The following GDAP1L1 variants were observed in gnomAD, a reference collection of about 807,000 sequenced individuals.
GDAP1L1 encodes the protein ganglioside-induced differentiation-associated protein 1-like 1.
GDAP1L1 carries 21 observed loss-of-function variants against 37.1 expected under a neutral mutation model. The ratio of observed to expected loss-of-function variants is 0.57; its 90% confidence interval spans 0.40 to 0.81. GDAP1L1 has a LOEUF of 0.81. GDAP1L1 is among the 40% of genes least tolerant of loss of function. The probability of loss-of-function intolerance (pLI) is 0.00; values close to 1 mark genes in which losing one functional copy is unlikely to be tolerated. For synonymous variants in GDAP1L1, 193 were observed against 209.1 expected, an observed-to-expected ratio of 0.92 and a Z score of 0.67; for missense variants, 362 against 491.6, an observed-to-expected ratio of 0.74 and a Z score of 2.49.
intron 5 of GDAP1L1, among the ~76,000 whole-genome samples, chr20:44,268,972 G>A (rs1203812756): frequency 1.3e-5 from 2 of 152,124 alleles, no homozygotes; most frequent in East Asian, 1.9e-4. Context: ...ATAAAAGAAG[G>A]GCCTTTTATT....
intron 3 of GDAP1L1, among the ~76,000 whole-genome samples, chr20:44,261,463 T>A (rs2073672967): frequency 6.6e-6 from 1 of 152,178 alleles, no homozygotes; most frequent in African/African-American, 2.4e-5. Context: ...CCTAAGTCAC[T>A]CACTCATTTC....
chr20:44,260,438 G>A (rs1354889720), intron 3 of GDAP1L1, among the ~76,000 whole-genome samples: 1 of 152,138 alleles, frequency 6.6e-6, no homozygotes, highest in Non-Finnish European at 1.5e-5. Context: ...CTAAGAGACT[G>A]CAGCTGCAGA....
intron 5 of GDAP1L1, among the ~76,000 whole-genome samples, chr20:44,272,726 A>T (rs1413043617): frequency 6.6e-6 from 1 of 152,220 alleles, no homozygotes; most frequent in African/African-American, 2.4e-5. Context: ...GGACATGCAT[A>T]GAAGGCCATC....
chr20:44,263,156 AAGTT>A, intron 3 of GDAP1L1, 70 bp from the exon 4 acceptor site: 1 of 1,125,204 alleles, frequency 8.9e-7, no homozygotes, highest in South Asian at 1.2e-5. Flanking sequence ...GGCCTACTTC[AAGTT>A]GTGTAAGGCA....
rs1409162753 is a variant in GDAP1L1, at chr20:44,258,516, G to A, written c.456G>A (p.Leu152=). Residue 152 remains leucine, a synonymous_variant, in exon 3 of 6, where the codon CTG becomes CTA. Transcript: ENST00000342560. ...VLQYRELLDA[L]PMDAYTHGCI... is the part of the protein sequence containing the mutation. ...AGTACCGGGAGCTGCTGGACGCACT[G>A]CCCATGGATGCCTACACGCATGGCT... The A allele has an allele frequency of 1.3e-6, 2 of 1,572,038 alleles. No homozygotes were observed. The highest frequency in any genetic ancestry group is 1.7e-6 in the Non-Finnish European group (2 of 1,159,414).
At chr20:44,249,193 A>G (rs2073392255) in intron 1 of GDAP1L1, among the ~76,000 whole-genome samples, 1 of 151,880 alleles carries the variant, frequency 6.6e-6, no homozygotes, top group Admixed American at 6.6e-5. Flanking sequence ...ATGCCACCAC[A>G]CCCGGCTAAT....
In GDAP1L1 at chr20:44,280,358, AAGCATCC is replaced by A. The variant is rs1397379140; in HGVS notation, c.*1061_*1067del. The stretch of plus-strand genomic sequence containing the variant: ...ATAGAAACCACCAAAAGCCCCAATA[AAGCATCC>A]AGGAGGAACAGTTGCTTTTCATTTC... On this transcript the variant is annotated 3_prime_UTR_variant, in exon 6 of 6. Transcript: ENST00000342560. 2 of 153,690 alleles carry A rather than the reference AAGCATCC, an allele frequency of 1.3e-5. No individual in the cohort carries two copies. The highest frequency in any genetic ancestry group is 4.8e-5 in the African/African-American group (2 of 41,500). The allele number at this position is 153,690 out of a possible 1,614,324, so 9.5% of individuals were successfully genotyped here. A position where few individuals can be genotyped will look rare whatever the true frequency, so the allele number is the denominator to read the frequency against.
rs754377690 is a variant in GDAP1L1, at chr20:44,257,239, C to G, written c.267C>G (p.Phe89Leu). 8.7e-6 allele frequency: 14 copies of G among 1,613,208 alleles called. No individual in the cohort carries two copies. The highest frequency in any genetic ancestry group is 1.2e-5 in the Non-Finnish European group (14 of 1,179,708). Reference protein sequence around the residue: ...LPQSEHKEPWFMRLNLGEEVP... With the variant: ...LPQSEHKEPWLMRLNLGEEVP... ...AGAGCGAGCACAAGGAGCCCTGGTT[C>G]ATGCGGCTCAACCTGGGCGAGGAGG... The change falls in exon 2 of 6, where the codon TTC becomes TTG. Residue 89 changes from phenylalanine to leucine, a missense_variant. Phe to Leu is a conservative substitution (Grantham distance 22, BLOSUM62 0). Transcript: ENST00000342560.
intron 4 of GDAP1L1, 138 bp from the exon 5 acceptor site, chr20:44,264,307 C>T (rs984498087): frequency 4.6e-5 from 56 of 1,215,678 alleles, no homozygotes; most frequent in Middle Eastern, 6.5e-4. Context: ...TGCTTCATAA[C>T]GGGGGGGCAT....
At chr20:44,269,759 G>A (rs1216086090) in intron 5 of GDAP1L1, among the ~76,000 whole-genome samples, 1 of 152,150 alleles carries the variant, frequency 6.6e-6, no homozygotes, top group Non-Finnish European at 1.5e-5. Context: ...GTGAAACCCT[G>A]TCTCTACTAA....
At chr20:44,264,375 C>A in intron 4 of GDAP1L1, 70 bp from the exon 5 acceptor site, 1 of 1,384,692 alleles carries the variant, frequency 7.2e-7, no homozygotes, top group Non-Finnish European at 9.3e-7. Flanking sequence ...CAGCAAAGCT[C>A]CTTCCATCCC....
chr20:44,262,315 G>A (rs73906999), intron 3 of GDAP1L1, among the ~76,000 whole-genome samples: 2,124 of 152,158 alleles, frequency 0.014, 48 homozygotes, highest in African/African-American at 0.049. Flanking sequence ...GAAAAAATAT[G>A]AGAAAGATGG....
At chr20:44,254,793 C>T (rs2073508291) in intron 1 of GDAP1L1, among the ~76,000 whole-genome samples, 1 of 152,164 alleles carries the variant, frequency 6.6e-6, no homozygotes, top group African/African-American at 2.4e-5. Context: ...GGGCAAGTTA[C>T]CCTTCCCTTC....
chr20:44,255,395 A>G (rs1257118123), intron 1 of GDAP1L1, among the ~76,000 whole-genome samples: 1 of 151,880 alleles, frequency 6.6e-6, no homozygotes, highest in Non-Finnish European at 1.5e-5. Context: ...TACAAAAATT[A>G]GCCAAGTGTG....
At position 44,257,216 on chromosome 20, in the gene GDAP1L1, A is replaced by G. The variant is rs1321034251; in HGVS notation, c.244A>G (p.Ser82Gly). 2.5e-6 allele frequency: 4 copies of G among 1,612,066 alleles called. No homozygotes were observed. Among genetic ancestry groups the G allele is most frequent in the Non-Finnish European group, 3.4e-6 (4 of 1,179,280 alleles). Residue 82 changes from serine (S) to glycine (G), a missense_variant, in exon 2 of 6, where the codon AGC (serine) becomes GGC (glycine). Transcript: ENST00000342560. The stretch of plus-strand genomic sequence containing the variant: ...GGAGCGGGACGTGAGCCTGCCACAG[A>G]GCGAGCACAAGGAGCCCTGGTTCAT... ...CEERDVSLPQ[S>G]EHKEPWFMRL...
At chr20:44,247,232 G>A (rs567838751), upstream of GDAP1L1, 153 of 1,151,764 alleles carry the variant, frequency 1.3e-4, no homozygotes, top group Non-Finnish European at 3.8e-5. Context: ...GAGCGGGGAG[G>A]GAGGGAGGAG....
chr20:44,266,030 T>C (rs898125149), intron 5 of GDAP1L1, among the ~76,000 whole-genome samples: 12 of 152,202 alleles, frequency 7.9e-5, no homozygotes, highest in Non-Finnish European at 1.0e-4. Context: ...AACTTTTGGC[T>C]GGGCACAATG....
rs116761734 is a variant in GDAP1L1 at position 44,265,548 on chromosome 20, T to C, written c.760+989T>C. On this transcript the variant is annotated intron_variant, in intron 5 of 5. Transcript: ENST00000342560. ...AGAGTAAGAAAAACTTGAAATAGAG[T>C]TCCAGCTTTGCTGCCTCAAATATGT... 6,058 of 924,576 alleles carry C rather than the reference T, an allele frequency of 6.6e-3. 243 individuals carry two copies. The East Asian group carries it at 0.1, about 15-fold the overall frequency. 57.3% of individuals were successfully genotyped at this position (924,576 alleles called of 1,614,324 possible). A position where few individuals can be genotyped will look rare whatever the true frequency, so the allele number is the denominator to read the frequency against.
At chr20:44,251,268 T>A (rs953383970) in intron 1 of GDAP1L1, among the ~76,000 whole-genome samples, 4 of 152,220 alleles carry the variant, frequency 2.6e-5, no homozygotes, top group Non-Finnish European at 5.9e-5. Context: ...ACTGCTGTTA[T>A]TTCCACCAGA....
Sources: gnomAD v4.1 joint callset for allele counts (sites outside exome capture counted in the v4.1 genomes callset) on GRCh38, gnomAD v4.1.1 for gene constraint, MANE v1.5 for transcripts, NCBI Gene and HGNC (gene_info 2026-07-23, HGNC 2026-07-21) for gene names.